The following OR9Q1 variants were observed in gnomAD, a reference collection of about 807,000 sequenced individuals.
OR9Q1 encodes the protein olfactory receptor family 9 subfamily Q member 1, also known as olfactory receptor 9Q1.
For missense variants in OR9Q1, 374 were observed against 378.8 expected, an observed-to-expected ratio of 0.99 and a Z score of 0.11; for synonymous variants, 153 against 148.6, an observed-to-expected ratio of 1.03 and a Z score of -0.22.
At chr11:58,133,269 T>A (rs1158582430) in intron 2 of OR9Q1, among the ~76,000 whole-genome samples, 1 of 152,192 alleles carries the variant, frequency 6.6e-6, no homozygotes, top group Admixed American at 6.5e-5. Context: ...GAGAATTTAA[T>A]AGAGGAGATT....
chr11:58,042,942 CTGTT>C (rs1207417951), intron 1 of OR9Q1, among the ~76,000 whole-genome samples: 6 of 152,132 alleles, frequency 3.9e-5, no homozygotes, highest in South Asian at 2.1e-4. Context: ...ATTTGGCTCT[CTGTT>C]TGTCTGTTAT....
At chr11:58,077,174 G>C (rs554600505) in intron 2 of OR9Q1, among the ~76,000 whole-genome samples, 1 of 152,264 alleles carries the variant, frequency 6.6e-6, no homozygotes, top group South Asian at 2.1e-4. Context: ...GCTTGGGATA[G>C]AGAATAGATT....
Position 58,050,266 on chromosome 11 carries a change from C to T in OR9Q1, c.-92-5604C>T, listed in dbSNP as rs897154576. On this transcript the variant is annotated intron_variant, in intron 1 of 2. Transcript: ENST00000335397. ...AAAACAGAGATATAGATCAATGGAA[C>T]GGAACAGAGCCCTCAGAAATAATGC... Among the ~76,000 whole-genome samples the T allele has an allele frequency of 1.8e-3, 264 of 144,556 alleles. 1 individual carries two copies. Among genetic ancestry groups the T allele is most frequent in the African/African-American group, 6.1e-3 (241 of 39,198 alleles). 94.8% of individuals were successfully genotyped at this position (144,556 alleles called of 152,430 possible).
intron 2 of OR9Q1, chr11:58,117,732 G>A (rs923864787): frequency 6.6e-6 from 1 of 152,166 alleles, no homozygotes; most frequent in African/African-American, 2.4e-5. Flanking sequence ...AGGGTGAGGA[G>A]GAGAAGCAAT....
intron 2 of OR9Q1, among the ~76,000 whole-genome samples, chr11:58,146,552 T>C (rs1051553832): frequency 2.0e-5 from 3 of 152,224 alleles, no homozygotes; most frequent in Admixed American, 6.6e-5. Context: ...AGATTAGAAC[T>C]TGGGATATAG....
At chr11:58,101,344 G>T (rs553154346) in intron 2 of OR9Q1, among the ~76,000 whole-genome samples, 1 of 152,150 alleles carries the variant, frequency 6.6e-6, no homozygotes, top group African/African-American at 2.4e-5. Context: ...CTCTGGTAAG[G>T]TGGTATCTCA....
intron 1 of OR9Q1, among the ~76,000 whole-genome samples, chr11:58,026,378 G>C (rs1490046999): frequency 6.6e-6 from 1 of 152,002 alleles, no homozygotes; most frequent in Non-Finnish European, 1.5e-5. Context: ...ACATGTGCAG[G>C]CTTGTTAAAA....
rs556783959 is a variant in OR9Q1 at position 58,036,285 on chromosome 11, C to G, written c.-93+12181C>G. Among the ~76,000 whole-genome samples, 47 of 152,346 alleles carry G rather than the reference C, an allele frequency of 3.1e-4. 1 individual carries two copies. The highest frequency in any genetic ancestry group is 9.9e-4 in the African/African-American group (41 of 41,580). On this transcript the variant is annotated intron_variant, in intron 1 of 2. Coordinates refer to ENST00000335397, the MANE Select transcript of OR9Q1 (RefSeq NM_001005212.4). ...TGGTTTACTGAATATTTTCAGCCTA[C>G]TATTGAGACCTACTGCTCGGGAAAG...
At chr11:58,094,276 A>G (rs1853710877) in intron 2 of OR9Q1, among the ~76,000 whole-genome samples, 1 of 152,178 alleles carries the variant, frequency 6.6e-6, no homozygotes, top group Non-Finnish European at 1.5e-5. Flanking sequence ...AATGATAGAC[A>G]TTGAGGACTT....
intron 2 of OR9Q1, among the ~76,000 whole-genome samples, chr11:58,168,808 T>C (rs970760528): frequency 6.6e-6 from 1 of 152,198 alleles, no homozygotes; most frequent in Non-Finnish European, 1.5e-5. Context: ...GTCTAATACA[T>C]GCATTTCCAG....
chr11:58,070,488 A>G (rs1853477173), intron 2 of OR9Q1, among the ~76,000 whole-genome samples: 1 of 152,140 alleles, frequency 6.6e-6, no homozygotes, highest in Non-Finnish European at 1.5e-5. Flanking sequence ...TGAGGTCCCA[A>G]TGCTCATGCA....
At chr11:58,081,677 C>G (rs544577143) in intron 2 of OR9Q1, among the ~76,000 whole-genome samples, 1 of 151,410 alleles carries the variant, frequency 6.6e-6, no homozygotes, top group East Asian at 1.9e-4. Context: ...TTGTTTTTTT[C>G]TTGTAAATTT....
At chr11:58,083,810 T>C (rs1853611246) in intron 2 of OR9Q1, among the ~76,000 whole-genome samples, 1 of 151,942 alleles carries the variant, frequency 6.6e-6, no homozygotes, top group Admixed American at 6.6e-5. Flanking sequence ...TCTGTTCCAC[T>C]GGTCTATGTG....
At chr11:58,159,541 C>T (rs1854438817) in intron 2 of OR9Q1, among the ~76,000 whole-genome samples, 1 of 152,032 alleles carries the variant, frequency 6.6e-6, no homozygotes, top group Non-Finnish European at 1.5e-5. Flanking sequence ...AGGCAGCCAA[C>T]CATGAGTCAA....
intron 2 of OR9Q1, among the ~76,000 whole-genome samples, chr11:58,068,759 C>G (rs954808705): frequency 1.3e-5 from 2 of 152,050 alleles, no homozygotes; most frequent in Non-Finnish European, 2.9e-5. Context: ...GTAACAACAG[C>G]ATAGTGGTGT....
chr11:58,109,542 C>A lies in OR9Q1; in HGVS notation c.-15+53595C>A, dbSNP rs1417461868. ...TTAGAATGATCATCCCCCCATTCCC[C>A]AGAAAAGTGACAAGATAGAAACTGA... On this transcript the variant is annotated intron_variant, in intron 2 of 2. Coordinates refer to ENST00000335397, the MANE Select transcript of OR9Q1 (RefSeq NM_001005212.4). 8.7e-6 allele frequency: 4 copies of A among 457,832 alleles called. No individual in the cohort carries two copies. The East Asian group carries it at 2.8e-4, about 32-fold the overall frequency. 28.4% of individuals were successfully genotyped at this position (457,832 alleles called of 1,614,324 possible).
At chr11:58,153,008 C>T (rs558145172) in intron 2 of OR9Q1, among the ~76,000 whole-genome samples, 4 of 152,216 alleles carry the variant, frequency 2.6e-5, no homozygotes, top group African/African-American at 4.8e-5. Flanking sequence ...TGGCACAGAG[C>T]CTGCCACCTG....
chr11:58,129,237 G>C (rs560700114), intron 2 of OR9Q1, among the ~76,000 whole-genome samples: 3 of 19,556 alleles, frequency 1.5e-4, no homozygotes, highest in South Asian at 1.2e-3. Context: ...AGAGCAATTC[G>C]TGTGTGTGTG....
chr11:58,038,036 A>T (rs1853125834), intron 1 of OR9Q1, among the ~76,000 whole-genome samples: 1 of 149,602 alleles, frequency 6.7e-6, no homozygotes, highest in Non-Finnish European at 1.5e-5. Context: ...CGGCCAGAAT[A>T]ACTATATTTT....
Sources: gnomAD v4.1 joint callset for allele counts (sites outside exome capture counted in the v4.1 genomes callset) on GRCh38, gnomAD v4.1.1 for gene constraint, MANE v1.5 for transcripts, NCBI Gene and HGNC (gene_info 2026-07-23, HGNC 2026-07-21) for gene names.